The following CRPPA variants were observed in gnomAD, a reference collection of about 807,000 sequenced individuals.
The protein encoded by CRPPA is D-ribitol-5-phosphate cytidylyltransferase.
CRPPA carries 43 observed loss-of-function variants against 52.0 expected under a neutral mutation model. The observed-to-expected ratio is 0.83, with a 90% CI of 0.65 to 1.07. The LOEUF is 1.07. CRPPA is among the 50% of genes least tolerant of loss of function. The probability of loss-of-function intolerance (pLI) is 0.00; values close to 1 mark genes in which losing one functional copy is unlikely to be tolerated. For synonymous variants in CRPPA, 250 were observed against 203.5 expected (o/e 1.23, Z -1.94); for missense variants, 629 against 551.7 (o/e 1.14, Z -1.40).
At chr7:16,300,140 G>C (rs540512197) in intron 5 of CRPPA, among the ~76,000 whole-genome samples, 1 of 152,258 alleles carries the variant, frequency 6.6e-6, no homozygotes, top group East Asian at 1.9e-4. Context: ...ACAAACAGAT[G>C]CATAAGTTAT....
chr7:16,155,830 T>C (rs1185148752), intron 9 of CRPPA, among the ~76,000 whole-genome samples: 2 of 152,160 alleles, frequency 1.3e-5, no homozygotes, highest in African/African-American at 4.8e-5. Context: ...AAGGGTCAAC[T>C]GTACAAACTC....
intron 8 of CRPPA, among the ~76,000 whole-genome samples, chr7:16,234,863 A>G (rs1782901431): frequency 3.3e-5 from 5 of 151,870 alleles, no homozygotes; most frequent in Admixed American, 3.3e-4. Context: ...GAGTTTGGCA[A>G]GTAAACAATT....
chr7:16,203,079 T>C (rs1369081098), intron 9 of CRPPA, among the ~76,000 whole-genome samples: 1 of 152,240 alleles, frequency 6.6e-6, no homozygotes, highest in Non-Finnish European at 1.5e-5. Context: ...GGGTCTTATC[T>C]AGCTGCGCTT....
chr7:16,193,775 G>A (rs545146792), intron 9 of CRPPA, among the ~76,000 whole-genome samples: 6 of 151,966 alleles, frequency 3.9e-5, no homozygotes, highest in East Asian at 1.9e-4. Flanking sequence ...TTGCTGAAGC[G>A]GGACAAAAAT....
chr7:16,293,371 T>C (rs1237492709), intron 5 of CRPPA, among the ~76,000 whole-genome samples: 1 of 151,980 alleles, frequency 6.6e-6, no homozygotes, highest in Non-Finnish European at 1.5e-5. Flanking sequence ...GAGCAGTGGC[T>C]TCCATTATTC....
intron 9 of CRPPA, among the ~76,000 whole-genome samples, chr7:16,211,395 C>T (rs1316581232): frequency 2.0e-5 from 3 of 152,116 alleles, no homozygotes; most frequent in Non-Finnish European, 4.4e-5. Flanking sequence ...AGCCTGATTA[C>T]TTTGAAGAGG....
chr7:16,378,135 G>A (rs1236235700), intron 2 of CRPPA, among the ~76,000 whole-genome samples: 1 of 151,342 alleles, frequency 6.6e-6, no homozygotes, highest in East Asian at 1.9e-4. Context: ...TATACTTTAA[G>A]TTTTAGAGTA....
At chr7:16,332,067 C>T (rs1583525955) in intron 3 of CRPPA, among the ~76,000 whole-genome samples, 1 of 152,100 alleles carries the variant, frequency 6.6e-6, no homozygotes, top group East Asian at 1.9e-4. Flanking sequence ...CAGAAAGAAG[C>T]CAGGGGAATC....
chr7:16,105,950 A>T (rs1782142085), intron 9 of CRPPA, among the ~76,000 whole-genome samples: 2 of 152,210 alleles, frequency 1.3e-5, no homozygotes, highest in South Asian at 2.1e-4. Context: ...GGACTACACC[A>T]GTTTGACCCA....
chr7:16,276,435 CAAAG>C (rs927183697), intron 6 of CRPPA: 1 of 152,012 alleles, frequency 6.6e-6, no homozygotes, highest in African/African-American at 2.4e-5. Context: ...ACTTATAAGA[CAAAG>C]AAAGTCAGAT....
chr7:16,255,318 C>T (rs897024427), intron 8 of CRPPA, among the ~76,000 whole-genome samples: 1 of 152,160 alleles, frequency 6.6e-6, no homozygotes, highest in Non-Finnish European at 1.5e-5. Flanking sequence ...AAGAACATTC[C>T]ATGCTCATGG....
At chr7:16,173,748 C>T (rs1273625258) in intron 9 of CRPPA, among the ~76,000 whole-genome samples, 1 of 151,982 alleles carries the variant, frequency 6.6e-6, no homozygotes, top group Non-Finnish European at 1.5e-5. Context: ...TGGTTACAAG[C>T]CTTTTAAAAG....
At chr7:16,157,530 T>C (rs942500078) in intron 9 of CRPPA, among the ~76,000 whole-genome samples, 1 of 152,176 alleles carries the variant, frequency 6.6e-6, no homozygotes. Context: ...TTGAATTTCA[T>C]ATTTTGAGGT....
At chr7:16,270,959 A>G (rs1245423133) in intron 6 of CRPPA, among the ~76,000 whole-genome samples, 2 of 152,054 alleles carry the variant, frequency 1.3e-5, no homozygotes, top group African/African-American at 4.8e-5. Flanking sequence ...GTCTATAACA[A>G]AAGGCATGGA....
intron 9 of CRPPA, among the ~76,000 whole-genome samples, chr7:16,111,728 C>T (rs1469667705): frequency 6.6e-6 from 1 of 152,074 alleles, no homozygotes; most frequent in Non-Finnish European, 1.5e-5. Flanking sequence ...GAATTAGAAG[C>T]AGAGTAGAAT....
chr7:16,214,364 C>A (rs1392204267), intron 9 of CRPPA, among the ~76,000 whole-genome samples: 1 of 152,206 alleles, frequency 6.6e-6, no homozygotes, highest in Non-Finnish European at 1.5e-5. Flanking sequence ...TCTCCATTTT[C>A]TGATTGAGAT....
intron 1 of CRPPA, among the ~76,000 whole-genome samples, chr7:16,415,131 G>C (rs1052933038): frequency 1.4e-4 from 21 of 152,316 alleles, no homozygotes; most frequent in African/African-American, 4.8e-4. Flanking sequence ...CTGATAAGTA[G>C]TTTTCTAAGC....
intron 9 of CRPPA, among the ~76,000 whole-genome samples, chr7:16,209,957 A>G (rs1782085623): frequency 6.6e-6 from 1 of 152,132 alleles, no homozygotes; most frequent in South Asian, 2.1e-4. Context: ...ACTTACATGC[A>G]ATTTCCCTCT....
chr7:16,414,639 C>T (rs1221013956), intron 1 of CRPPA, among the ~76,000 whole-genome samples: 6 of 152,250 alleles, frequency 3.9e-5, no homozygotes, highest in East Asian at 3.9e-4. Flanking sequence ...GGTCACAAAG[C>T]GATAGTTATC....
Sources: gnomAD v4.1 joint callset for allele counts (sites outside exome capture counted in the v4.1 genomes callset) on GRCh38, gnomAD v4.1.1 for gene constraint, MANE v1.5 for transcripts, NCBI Gene and HGNC (gene_info 2026-07-23, HGNC 2026-07-21) for gene names.